GPHN: variants seen among roughly 807,000 people sequenced by gnomAD.
GPHN encodes gephyrin.
In GPHN, 17 loss-of-function variants were observed where a neutral mutation model predicts 95.5. That is an observed-to-expected ratio of 0.18 (90% CI 0.12 to 0.27). The LOEUF (loss-of-function observed/expected upper bound fraction) is 0.27, where lower values mean the gene tolerates loss of function less well. Among genes scored for constraint, GPHN ranks in the 10% least tolerant of loss-of-function variants. GPHN has a pLI of 1.00. For synonymous variants in GPHN, 320 were observed against 322.5 expected (o/e 0.99, Z 0.08); for missense variants, 660 against 978.1 (o/e 0.67, Z 4.34).
chr14:66,776,947 T>C (rs2059402586), intron 3 of GPHN, among the ~76,000 whole-genome samples: 1 of 152,134 alleles, frequency 6.6e-6, no homozygotes, highest in African/African-American at 2.4e-5. Flanking sequence ...GCAGGTTAGT[T>C]ACATATGTAT....
intron 5 of GPHN, among the ~76,000 whole-genome samples, chr14:66,885,496 C>A (rs183686946): frequency 1.2e-3 from 180 of 152,118 alleles, no homozygotes; most frequent in Non-Finnish European, 1.9e-3. Context: ...TAATTAAGGA[C>A]CTTATCTTCC....
chr14:66,944,056 A>G (rs1055459610), intron 8 of GPHN, among the ~76,000 whole-genome samples: 13 of 152,358 alleles, frequency 8.5e-5, no homozygotes, highest in African/African-American at 2.9e-4. Flanking sequence ...TTTTTCCAGA[A>G]AAACAAGATC....
chr14:66,676,053 C>CATAT (rs201617791), intron 1 of GPHN, among the ~76,000 whole-genome samples: 204 of 151,666 alleles, frequency 1.3e-3, no homozygotes, highest in African/African-American at 4.1e-3. Context: ...TTGTTACACA[C>CATAT]ACATATATAT....
chr14:66,649,012 G>A (rs11158642), intron 1 of GPHN, among the ~76,000 whole-genome samples: 50,245 of 151,930 alleles, frequency 0.33, 12,287 homozygotes, highest in African/African-American at 0.67. Context: ...TACAATGAAA[G>A]TATGTTTGGT....
the GPHN span, among the ~76,000 whole-genome samples, chr14:67,226,358 G>GT: frequency 6.4e-3 from 932 of 145,280 alleles, 16 homozygotes; most frequent in African/African-American, 0.023. Flanking sequence ...CAACCAGCTA[G>GT]TTTTTTTTGT....
Position 66,763,658 on chromosome 14 carries a change from A to G in GPHN, c.144-12806A>G, listed in dbSNP as rs546777191. Among the ~76,000 whole-genome samples the G allele has an allele frequency of 2.6e-5, 4 of 151,938 alleles. No homozygotes were observed. In the South Asian group the frequency reaches 8.3e-4, roughly 32 times the overall value. ...TCTATCATTGTTGGACATTTTATAT[A>G]ATATTCATATTGTATTAGGTATCAT... On this transcript the variant is annotated intron_variant, in intron 2 of 22. Coordinates refer to ENST00000478722, the MANE Select transcript of GPHN (RefSeq NM_020806.5).
At chr14:67,478,570 C>T in the GPHN span, among the ~76,000 whole-genome samples, 1 of 152,170 alleles carries the variant, frequency 6.6e-6, no homozygotes, top group Admixed American at 6.5e-5. Context: ...CACTTGAAGC[C>T]CATGAGTGGA....
chr14:67,056,188 T>A (rs1263152377), intron 10 of GPHN, among the ~76,000 whole-genome samples: 1 of 152,212 alleles, frequency 6.6e-6, no homozygotes. Context: ...TTGGCCCATT[T>A]TACAGAGAGC....
chr14:67,188,050 T>C, the GPHN span, among the ~76,000 whole-genome samples: 6 of 152,196 alleles, frequency 3.9e-5, no homozygotes, highest in Non-Finnish European at 8.8e-5. Flanking sequence ...AGAATGTACC[T>C]TGCATTGCAC....
the GPHN span, among the ~76,000 whole-genome samples, chr14:67,428,498 T>C: frequency 6.6e-6 from 1 of 152,262 alleles, no homozygotes; most frequent in Non-Finnish European, 1.5e-5. Context: ...TTACCTTGTT[T>C]CACAAAGGAG....
chr14:67,661,462 G>A, the GPHN span, among the ~76,000 whole-genome samples: 1 of 151,594 alleles, frequency 6.6e-6, no homozygotes, highest in Admixed American at 6.6e-5. Context: ...AAGACAGAAA[G>A]GGACATGGTT....
the GPHN span, among the ~76,000 whole-genome samples, chr14:67,209,710 C>T: frequency 7.4e-5 from 11 of 148,776 alleles, no homozygotes; most frequent in African/African-American, 2.2e-4. Flanking sequence ...CCCAGCTACT[C>T]GGGAGGCTGA....
In GPHN at chr14:67,110,235, C is replaced by A. The variant is rs773577927; in HGVS notation, c.1389C>A (p.Thr463=). ...ATGCAGTAGTACAAGTGGAAGATAC[C>A]GAACTTATCAGGGAATCAGATGATG... The part of the protein sequence containing the change: ...GADAVVQVED[T]ELIRESDDGT... The change falls in exon 14 of 23, where the codon ACC becomes ACA. Residue 463 remains threonine (T), a synonymous_variant. Coordinates refer to ENST00000478722, the MANE Select transcript of GPHN (RefSeq NM_020806.5). 3.7e-6 allele frequency: 6 copies of A among 1,613,418 alleles called. No individual in the cohort carries two copies. Among genetic ancestry groups the A allele is most frequent in the South Asian group, 1.1e-5 (1 of 91,080 alleles).
the GPHN span, among the ~76,000 whole-genome samples, chr14:67,354,426 T>C: frequency 6.6e-6 from 1 of 152,176 alleles, no homozygotes; most frequent in Non-Finnish European, 1.5e-5. Context: ...TAAATGCAAT[T>C]ATTTTCAAGA....
At chr14:66,571,082 T>A (rs1003446334) in intron 1 of GPHN, among the ~76,000 whole-genome samples, 1 of 152,094 alleles carries the variant, frequency 6.6e-6, no homozygotes, top group Non-Finnish European at 1.5e-5. Context: ...CAAGACTAGG[T>A]AATTTATAAA....
the GPHN span, chr14:67,360,064 C>T: frequency 2.3e-6 from 1 of 430,142 alleles, no homozygotes. Flanking sequence ...CTTTCTCCAC[C>T]TTTCGTCTTT....
chr14:67,717,094 A>G, the GPHN span, among the ~76,000 whole-genome samples: 1 of 149,220 alleles, frequency 6.7e-6, no homozygotes, highest in Non-Finnish European at 1.5e-5. Flanking sequence ...AAACTTCAGC[A>G]TGTATATATA....
chr14:66,535,596 A>G (rs1432203984), intron 1 of GPHN, among the ~76,000 whole-genome samples: 3 of 152,208 alleles, frequency 2.0e-5, no homozygotes, highest in East Asian at 1.9e-4. Context: ...GTCCATGAAC[A>G]TGGATTATCT....
At chr14:66,763,361 G>C in intron 2 of GPHN, among the ~76,000 whole-genome samples, 1 of 145,078 alleles carries the variant, frequency 6.9e-6, no homozygotes, top group African/African-American at 2.6e-5. Context: ...TCTAGCATTA[G>C]GTATATCTCC....
Sources: gnomAD v4.1 joint callset for allele counts (sites outside exome capture counted in the v4.1 genomes callset) on GRCh38, gnomAD v4.1.1 for gene constraint, MANE v1.5 for transcripts, NCBI Gene and HGNC (gene_info 2026-07-23, HGNC 2026-07-21) for gene names.